FHDC1: variants seen among roughly 807,000 people sequenced by gnomAD.
The protein encoded by FHDC1 is FH2 domain containing 1.
Under a neutral mutation model 52.6 loss-of-function variants are expected in FHDC1, and 25 were observed. The observed-to-expected ratio is 0.48, with a 90% CI of 0.35 to 0.66. The LOEUF (loss-of-function observed/expected upper bound fraction) is 0.66, where lower values mean the gene tolerates loss of function less well. Among genes scored for constraint, FHDC1 ranks in the 30% least tolerant of loss-of-function variants. The pLI is 0.01. For synonymous variants in FHDC1, 616 were observed against 581.5 expected, an observed-to-expected ratio of 1.06 and a Z score of -0.85; for missense variants, 1,459 against 1,452.8, an observed-to-expected ratio of 1.00 and a Z score of -0.07.
chr4:152,935,154 G>C (rs553121564), upstream of FHDC1, among the ~76,000 whole-genome samples: 7 of 152,232 alleles, frequency 4.6e-5, no homozygotes, highest in South Asian at 1.5e-3. Context: ...TTTGGTTTTG[G>C]GGTTGATTGG....
intron 1 of FHDC1, among the ~76,000 whole-genome samples, chr4:152,938,190 C>CT (rs72024131): frequency 0.35 from 47,408 of 136,088 alleles, 8,932 homozygotes; most frequent in Admixed American, 0.47. Flanking sequence ...CACGCATGTG[C>CT]TTTTTTTTTT....
At chr4:152,923,054 G>A in the FHDC1 span, among the ~76,000 whole-genome samples, 2 of 152,110 alleles carry the variant, frequency 1.3e-5, no homozygotes, top group African/African-American at 4.8e-5. Flanking sequence ...ATTAGGAAAA[G>A]AGGAAGTCAA....
chr4:152,938,767 T>C (rs1292249633), intron 1 of FHDC1, among the ~76,000 whole-genome samples: 6 of 152,180 alleles, frequency 3.9e-5, no homozygotes, highest in Non-Finnish European at 1.5e-5. Flanking sequence ...TTCCTTTTGA[T>C]TATTGTTGAC....
the FHDC1 span, among the ~76,000 whole-genome samples, chr4:152,925,547 A>C: frequency 1.3e-5 from 2 of 152,182 alleles, no homozygotes; most frequent in African/African-American, 4.8e-5. Flanking sequence ...AATCAAACAT[A>C]AAATTATAGA....
chr4:152,943,156 ACCTCCTCCACCT>A lies in FHDC1; in HGVS notation c.111_122del (p.Pro40_Pro43del), dbSNP rs758882730. The A allele has an allele frequency of 2.0e-5, 33 of 1,612,590 alleles. No individual in the cohort carries two copies. The highest frequency in any genetic ancestry group is 1.3e-4 in the African/African-American group (10 of 74,738). On this transcript the variant is annotated inframe_deletion, in exon 2 of 12. Transcript: ENST00000511601. ...TGATTGGGCAGACACCTCCTCCAGC[ACCTCCTCCACCT>A]CCTCCTCCACCCCCTCCATCTCCAC...
In FHDC1 at chr4:152,964,647, T is replaced by G. The variant is rs113187069; in HGVS notation, c.1030-258T>G. Among the ~76,000 whole-genome samples, 874 of 152,340 alleles carry G rather than the reference T, an allele frequency of 5.7e-3. 7 individuals carry two copies. Among genetic ancestry groups the G allele is most frequent in the African/African-American group, 0.02 (813 of 41,586 alleles). On this transcript the variant is annotated intron_variant, in intron 8 of 11. Transcript: ENST00000511601. ...GGATTCTTTCAGAAACAAGGGGCCC[T>G]GCTGAGCTGCAGCCAAATGCTCATT...
rs759864448 is a variant in FHDC1, at chr4:152,976,587, C to T, written c.3296C>T (p.Pro1099Leu). ...AGTGCCCGGGCCCCCAAGAAGCGCC[C>T]AGAGTCTGCGGAGGGTCCCAGTGCC... is the stretch of plus-strand genomic sequence containing the variant. The part of the protein sequence containing the change: ...ASSARAPKKR[P>L]ESAEGPSANT... Residue 1099 changes from proline to leucine, a missense_variant, in exon 12 of 12, where the codon CCA becomes CTA. Pro to Leu is a moderately conservative substitution (Grantham distance 98, BLOSUM62 -3). Around this residue, in one of 3 missense-constraint regions of FHDC1, gnomAD observed 939 missense variants for 854.5 expected, o/e 1.10. Coordinates refer to ENST00000511601, the MANE Select transcript of FHDC1 (RefSeq NM_001371116.1). The T allele has an allele frequency of 1.9e-6, 3 of 1,612,364 alleles. No individual in the cohort carries two copies. Among genetic ancestry groups the T allele is most frequent in the Non-Finnish European group, 2.5e-6 (3 of 1,179,506 alleles).
At chr4:152,912,127 CTAAA>C in the FHDC1 span, 4 of 151,844 alleles carry the variant, frequency 2.6e-5, no homozygotes, top group African/African-American at 7.3e-5. Context: ...AGCTAAGGAG[CTAAA>C]TAGTTTCATG....
intron 4 of FHDC1, among the ~76,000 whole-genome samples, chr4:152,958,143 A>G (rs1740162082): frequency 6.6e-6 from 1 of 152,188 alleles, no homozygotes; most frequent in African/African-American, 2.4e-5. Context: ...ATTTCAAGCC[A>G]TGTGACTGGA....
chr4:152,972,084 A>G (rs905774626), intron 10 of FHDC1, among the ~76,000 whole-genome samples: 5 of 152,174 alleles, frequency 3.3e-5, no homozygotes, highest in Non-Finnish European at 5.9e-5. Flanking sequence ...TTTTTCAGTG[A>G]CATTAAAAGT....
the FHDC1 span, among the ~76,000 whole-genome samples, chr4:152,925,515 G>A: frequency 1.3e-5 from 2 of 152,038 alleles, no homozygotes; most frequent in Non-Finnish European, 2.9e-5. Context: ...TGGAAATAGA[G>A]GGAAATTAAA....
chr4:152,931,793 T>C (rs893258928), upstream of FHDC1, among the ~76,000 whole-genome samples: 8 of 152,080 alleles, frequency 5.3e-5, no homozygotes, highest in African/African-American at 1.9e-4. Flanking sequence ...AAAAGGTAGC[T>C]GGGCGTGGTG....
chr4:152,953,154 A>G (rs1427774512), intron 2 of FHDC1, among the ~76,000 whole-genome samples: 1 of 152,096 alleles, frequency 6.6e-6, no homozygotes, highest in Admixed American at 6.5e-5. Flanking sequence ...AAGAAAGAAA[A>G]TGCATTTCAT....
At chr4:152,950,119 C>T (rs1285333984) in intron 2 of FHDC1, among the ~76,000 whole-genome samples, 1 of 152,170 alleles carries the variant, frequency 6.6e-6, no homozygotes, top group Non-Finnish European at 1.5e-5. Flanking sequence ...CTTGTGCAGC[C>T]AGTGAGTCCC....
chr4:152,969,056 A>G (rs1740555321), intron 10 of FHDC1, among the ~76,000 whole-genome samples: 1 of 151,640 alleles, frequency 6.6e-6, no homozygotes, highest in Non-Finnish European at 1.5e-5. Flanking sequence ...CTAATCGCAT[A>G]GTCTGACATA....
chr4:152,938,059 C>A (rs1050007424), intron 1 of FHDC1, among the ~76,000 whole-genome samples: 1 of 152,150 alleles, frequency 6.6e-6, no homozygotes, highest in African/African-American at 2.4e-5. Flanking sequence ...TTTCAAACTT[C>A]CGTGTGGACA....
upstream of FHDC1, among the ~76,000 whole-genome samples, chr4:152,933,259 G>T (rs1023786174): frequency 6.6e-6 from 1 of 152,200 alleles, no homozygotes; most frequent in African/African-American, 2.4e-5. Context: ...TTATTTAAAG[G>T]CTGGTTGGCA....
At chr4:152,925,576 A>G in the FHDC1 span, among the ~76,000 whole-genome samples, 1 of 152,218 alleles carries the variant, frequency 6.6e-6, no homozygotes, top group South Asian at 2.1e-4. Flanking sequence ...ATAGGATTGT[A>G]TAAGAAGACC....
the FHDC1 span, among the ~76,000 whole-genome samples, chr4:152,915,721 T>A: frequency 2.9e-4 from 44 of 152,128 alleles, no homozygotes; most frequent in Non-Finnish European, 4.9e-4. Flanking sequence ...AATAATTGAT[T>A]TACACAGGGA....
Sources: allele counts gnomAD v4.1 joint callset (sites outside exome capture counted in the v4.1 genomes callset), GRCh38; gene constraint gnomAD v4.1.1; regional missense constraint gnomAD v4.1.1; transcripts MANE v1.5; gene names NCBI Gene and HGNC (gene_info 2026-07-23, HGNC 2026-07-21).